The following ARIH1 variants were observed in gnomAD, a reference collection of about 807,000 sequenced individuals.
ARIH1 encodes ariadne RBR E3 ubiquitin protein ligase 1, also known as E3 ubiquitin-protein ligase ARIH1.
A neutral mutation model predicts 85.0 loss-of-function variants in ARIH1; 8 were observed. The ratio of observed to expected loss-of-function variants is 0.09; its 90% confidence interval spans 0.06 to 0.17. The LOEUF is 0.17. Ranked by LOEUF, ARIH1 falls within the 10% of genes least tolerant of loss-of-function variation. The pLI, the probability that ARIH1 is intolerant of heterozygous loss-of-function variation, is 1.00. For missense variants in ARIH1, 311 were observed against 718.1 expected (o/e 0.43, Z 6.48); for synonymous variants, 238 against 253.6 (o/e 0.94, Z 0.59).
chr15:72,492,529 T>C (rs925681224), intron 1 of ARIH1, among the ~76,000 whole-genome samples: 4 of 152,236 alleles, frequency 2.6e-5, no homozygotes, highest in Non-Finnish European at 4.4e-5. Context: ...TCACCTCTTA[T>C]GAAGGGGAAA....
chr15:72,519,335 T>A (rs2063988462), intron 2 of ARIH1, among the ~76,000 whole-genome samples: 1 of 151,886 alleles, frequency 6.6e-6, no homozygotes, highest in African/African-American at 2.4e-5. Context: ...ATATCTATTG[T>A]TACTATTAAA....
chr15:72,555,701 C>G (rs1486783111), intron 4 of ARIH1, 151 bp from the exon 5 acceptor site: 47 of 692,686 alleles, frequency 6.8e-5, no homozygotes, highest in Non-Finnish European at 5.0e-6. Flanking sequence ...GATAAACATA[C>G]TCTCACACAC....
At chr15:72,515,620 A>G (rs893419194) in intron 1 of ARIH1, among the ~76,000 whole-genome samples, 1 of 152,170 alleles carries the variant, frequency 6.6e-6, no homozygotes, top group Non-Finnish European at 1.5e-5. Flanking sequence ...ATACCTGCAA[A>G]TTCTTTCTCA....
At chr15:72,511,135 T>C (rs528205437) in intron 1 of ARIH1, among the ~76,000 whole-genome samples, 4 of 152,372 alleles carry the variant, frequency 2.6e-5, no homozygotes, top group African/African-American at 7.2e-5. Flanking sequence ...TTAGGTCTTA[T>C]TAAAATTTCT....
chr15:72,564,392 C>G (rs1016264794), intron 7 of ARIH1, among the ~76,000 whole-genome samples: 1 of 152,192 alleles, frequency 6.6e-6, no homozygotes, highest in African/African-American at 2.4e-5. Context: ...ATATTTCTAA[C>G]AACATTCTGT....
At chr15:72,540,572 T>G (rs1424061847) in intron 2 of ARIH1, among the ~76,000 whole-genome samples, 1 of 152,096 alleles carries the variant, frequency 6.6e-6, no homozygotes, top group African/African-American at 2.4e-5. Context: ...CCCAAGAATA[T>G]GAGTGGATTT....
chr15:72,545,521 C>G (rs1370004068), intron 3 of ARIH1, among the ~76,000 whole-genome samples: 2 of 152,200 alleles, frequency 1.3e-5, no homozygotes, highest in Non-Finnish European at 2.9e-5. Context: ...TACAAATAAC[C>G]TTCCTAAAAA....
chr15:72,539,373 T>C (rs1275318058), intron 2 of ARIH1, among the ~76,000 whole-genome samples: 1 of 151,854 alleles, frequency 6.6e-6, no homozygotes. Context: ...CTTAGGAAAT[T>C]AAACATAAGA....
At position 72,591,894 on chromosome 15, in the gene ARIH1, GT is replaced by G. The variant is rs2064345073; in HGVS notation, c.*8606del. 6.6e-6 allele frequency: 1 copy of G among 152,160 alleles called. No individual in the cohort carries two copies. 9.4% of individuals were successfully genotyped at this position (152,160 alleles called of 1,614,324 possible). A position where few individuals can be genotyped will look rare whatever the true frequency, so the allele number is the denominator to read the frequency against. On this transcript the variant is annotated 3_prime_UTR_variant, in exon 14 of 14. Coordinates refer to ENST00000379887, the MANE Select transcript of ARIH1 (RefSeq NM_005744.5). ...ATCTAACTAGGGAAAGCACTAAAGA[GT>G]TTTCCAATAAGGAAGAATGATCTGA...
At chr15:72,533,658 G>T (rs2064068119) in intron 2 of ARIH1, among the ~76,000 whole-genome samples, 1 of 152,212 alleles carries the variant, frequency 6.6e-6, no homozygotes, top group African/African-American at 2.4e-5. Flanking sequence ...GGTGGCTCAT[G>T]CCTGTGGACT....
chr15:72,505,431 A>G lies in ARIH1; in HGVS notation c.376-12636A>G, dbSNP rs946874826. On this transcript the variant is annotated intron_variant, in intron 1 of 13. Transcript: ENST00000379887. ...TGGTATCTCATGAATAACCTTCCAT[A>G]TTTTTTTAATGGCTGCATAATATTT... is the stretch of plus-strand genomic sequence containing the variant. Among the ~76,000 whole-genome samples the G allele has an allele frequency of 2.6e-5, 4 of 151,934 alleles. No individual in the cohort carries two copies. In the East Asian group the frequency reaches 5.8e-4, roughly 22 times the overall value.
Position 72,589,972 on chromosome 15 carries a change from C to T in ARIH1, c.*6680C>T, listed in dbSNP as rs910279752. On this transcript the variant is annotated 3_prime_UTR_variant, in exon 14 of 14. Coordinates refer to ENST00000379887, the MANE Select transcript of ARIH1 (RefSeq NM_005744.5). ...CTGCTCCTAGCTCTTCCATCTCAGT[C>T]TTATGATGTAGTTACTATTTTCATT... 2.0e-5 allele frequency: 3 copies of T among 152,162 alleles called. No individual in the cohort carries two copies. Among genetic ancestry groups the T allele is most frequent in the Admixed American group, 6.5e-5 (1 of 15,274 alleles). 9.4% of individuals were successfully genotyped at this position (152,162 alleles called of 1,614,324 possible). A position where few individuals can be genotyped will look rare whatever the true frequency, so the allele number is the denominator to read the frequency against.
chr15:72,539,110 A>G (rs1237589145), intron 2 of ARIH1, among the ~76,000 whole-genome samples: 1 of 152,214 alleles, frequency 6.6e-6, no homozygotes, highest in Non-Finnish European at 1.5e-5. Flanking sequence ...TGAAGCAGAG[A>G]GAAGTATTTG....
chr15:72,567,062 T>A (rs1567358075), intron 8 of ARIH1, 44 bp from the exon 9 acceptor site: 7 of 1,468,538 alleles, frequency 4.8e-6, no homozygotes, highest in Non-Finnish European at 6.6e-6. Flanking sequence ...TTGCTATTTT[T>A]AAAAGTCTTT....
At chr15:72,523,543 G>T (rs981180760) in intron 2 of ARIH1, among the ~76,000 whole-genome samples, 1 of 151,760 alleles carries the variant, frequency 6.6e-6, no homozygotes, top group Non-Finnish European at 1.5e-5. Flanking sequence ...GTGGGTGGGG[G>T]CCTAAACTAT....
chr15:72,566,964 C>T, intron 8 of ARIH1, 142 bp from the exon 9 acceptor site: 2 of 631,994 alleles, frequency 3.2e-6, no homozygotes, highest in Non-Finnish European at 5.4e-6. Flanking sequence ...TATGGGATTT[C>T]CCTGGCTTAA....
At chr15:72,547,761 A>G (rs1183612399) in intron 3 of ARIH1, among the ~76,000 whole-genome samples, 1 of 152,180 alleles carries the variant, frequency 6.6e-6, no homozygotes, top group Non-Finnish European at 1.5e-5. Flanking sequence ...CTGTGAGGTA[A>G]TACTAAGACC....
chr15:72,577,394 C>A lies in ARIH1; in HGVS notation c.1216-3337C>A, dbSNP rs574115943. On this transcript the variant is annotated intron_variant, in intron 11 of 13. Transcript: ENST00000379887. Reference sequence around the variant, plus strand: ...TTTTATTAAGTAGAAGTGGATCAGCCGGGCCCAGTGGCTCACGCCTGTAAT... The same window carrying A: ...TTTTATTAAGTAGAAGTGGATCAGCAGGGCCCAGTGGCTCACGCCTGTAAT... Among the ~76,000 whole-genome samples the A allele has an allele frequency of 2.6e-5, 4 of 152,036 alleles. No homozygotes were observed. The East Asian group carries it at 7.7e-4, about 29-fold the overall frequency.
In ARIH1 at chr15:72,591,039, C is replaced by G. The variant is rs1478690084; in HGVS notation, c.*7747C>G. 3.3e-5 allele frequency: 5 copies of G among 151,538 alleles called. No individual in the cohort carries two copies. The highest frequency in any genetic ancestry group is 1.2e-4 in the African/African-American group (5 of 41,244). The allele number at this position is 151,538 out of a possible 1,614,324, so 9.4% of individuals were successfully genotyped here. The stretch of plus-strand genomic sequence containing the variant: ...GAGTTCGAGACCAGCCTGGCCAACA[C>G]AGTGAAACCTCATCTCTACTAAAAA... On this transcript the variant is annotated 3_prime_UTR_variant, in exon 14 of 14. Coordinates refer to ENST00000379887, the MANE Select transcript of ARIH1 (RefSeq NM_005744.5).
Sources: allele counts gnomAD v4.1 joint callset (sites outside exome capture counted in the v4.1 genomes callset), GRCh38; gene constraint gnomAD v4.1.1; transcripts MANE v1.5; gene names NCBI Gene and HGNC (gene_info 2026-07-23, HGNC 2026-07-21).